Variants in SRP72 observed in about 807,000 individuals in gnomAD.
The protein encoded by SRP72 is signal recognition particle subunit SRP72.
Under a neutral mutation model 96.3 loss-of-function variants are expected in SRP72, and 49 were observed. The ratio of observed to expected loss-of-function variants is 0.51; its 90% confidence interval spans 0.40 to 0.65. The LOEUF (loss-of-function observed/expected upper bound fraction) is 0.65. Ranked by LOEUF, SRP72 falls within the 30% of genes least tolerant of loss-of-function variation. SRP72 has a pLI of 0.00. For missense variants in SRP72, 736 were observed against 793.3 expected, an observed-to-expected ratio of 0.93 and a Z score of 0.87; for synonymous variants, 267 against 275.2, an observed-to-expected ratio of 0.97 and a Z score of 0.30.
chr4:56,473,036 T>G (rs1355284377), intron 3 of SRP72, among the ~76,000 whole-genome samples: 1 of 152,206 alleles, frequency 6.6e-6, no homozygotes, highest in Non-Finnish European at 1.5e-5. Flanking sequence ...AGTCTTTTTC[T>G]TAACATTTAA....
chr4:56,481,907 C>T (rs1427793446), intron 8 of SRP72, among the ~76,000 whole-genome samples: 1 of 150,914 alleles, frequency 6.6e-6, no homozygotes. Flanking sequence ...CTGGGACTAG[C>T]GTGTGCCACC....
rs1721301650 is a variant in SRP72 at position 56,502,498 on chromosome 4, T to TATATATATATATATGTATATATATATAC, written c.*651_*652insGTATATATATATACATATATATATATAT. The TATATATATATATATGTATATATATATAC allele has an allele frequency of 8.2e-6, 1 of 122,018 alleles. No individual in the cohort carries two copies. The highest frequency in any genetic ancestry group is 1.7e-5 in the Non-Finnish European group (1 of 59,354). 7.6% of individuals were successfully genotyped at this position (122,018 alleles called of 1,614,324 possible). Reference sequence around the variant, plus strand: ...ATATATATATGTATATATATATACATATATATATATATATAAACATGAAAT... The same window carrying TATATATATATATATGTATATATATATAC: ...ATATATATATGTATATATATATACATATATATATATATATGTATATATATATACATATATATATATATAAACATGAAAT... On this transcript the variant is annotated 3_prime_UTR_variant, in exon 19 of 19. Coordinates refer to ENST00000642900, the MANE Select transcript of SRP72 (RefSeq NM_006947.4).
chr4:56,487,176 C>T (rs1391328977), intron 11 of SRP72, among the ~76,000 whole-genome samples: 1 of 151,950 alleles, frequency 6.6e-6, no homozygotes, highest in Non-Finnish European at 1.5e-5. Flanking sequence ...CAATTCTTCA[C>T]AAAAATCTTA....
At chr4:56,467,788 A>G in intron 1 of SRP72, 44 bp downstream of exon 1, 1 of 1,426,966 alleles carries the variant, frequency 7.0e-7, no homozygotes, top group South Asian at 1.5e-5. Context: ...GGCCGGCTGG[A>G]GGATGCGGCC....
chr4:56,471,619 T>C, intron 2 of SRP72, 101 bp from the exon 3 acceptor site: 1 of 1,360,592 alleles, frequency 7.3e-7, no homozygotes, highest in African/African-American at 1.5e-5. Flanking sequence ...TTTTCTCATC[T>C]GTTATCAGGA....
intron 17 of SRP72, among the ~76,000 whole-genome samples, chr4:56,497,132 ATCT>A (rs1461162068): frequency 6.6e-6 from 1 of 152,114 alleles, no homozygotes; most frequent in Non-Finnish European, 1.5e-5. Flanking sequence ...GTTTGTTTTA[ATCT>A]TCTACTTTAG....
intron 8 of SRP72, among the ~76,000 whole-genome samples, chr4:56,479,341 G>A (rs1389634557): frequency 6.6e-6 from 1 of 151,664 alleles, no homozygotes; most frequent in Non-Finnish European, 1.5e-5. Context: ...CACCATGCCT[G>A]TCTAATTTTT....
chr4:56,496,418 A>T (rs1256625280), intron 17 of SRP72, among the ~76,000 whole-genome samples: 1 of 152,168 alleles, frequency 6.6e-6, no homozygotes, highest in Non-Finnish European at 1.5e-5. Flanking sequence ...TATCCATTTC[A>T]CTATCTTTAA....
At position 56,495,342 on chromosome 4, in the gene SRP72, T is replaced by C. The variant is rs778389793; in HGVS notation, c.1641-15T>C. 2.0e-6 allele frequency: 3 copies of C among 1,474,236 alleles called. No individual in the cohort carries two copies. Among genetic ancestry groups the C allele is most frequent in the Non-Finnish European group, 2.8e-6 (3 of 1,069,658 alleles). The allele number at this position is 1,474,236 out of a possible 1,614,324, so 91.3% of individuals were successfully genotyped here. On this transcript the variant is annotated splice_polypyrimidine_tract_variant and intron_variant, in intron 16 of 18. Coordinates refer to ENST00000642900, the MANE Select transcript of SRP72 (RefSeq NM_006947.4). ...TTATCACAAAGATGGTAATGATTTT[T>C]TTTTCTCTTTGTAGACAGGGAGATT...
intron 1 of SRP72, 121 bp downstream of exon 1, chr4:56,467,865 G>A (rs879122944): frequency 1.0e-6 from 1 of 994,282 alleles, no homozygotes; most frequent in East Asian, 3.3e-5. Flanking sequence ...AAACCCCCCC[G>A]TCTATTGTCC....
chr4:56,474,380 A>C lies in SRP72; in HGVS notation c.599A>C (p.Gln200Pro). ...CTGAACCAGGCCATGAAAATCCTAC[A>C]AAAAGCTGAAGGTTGGAAGTTTGTT... ...GQLNQAMKIL[Q>P]KAEDLCRRSL... is the part of the protein sequence containing the mutation. The change falls in exon 5 of 19, where the codon CAA becomes CCA. Residue 200 changes from glutamine (Q) to proline (P), a missense_variant. Around this residue, in one of 3 missense-constraint regions of SRP72, gnomAD observed 329 missense variants for 319.0 expected, o/e 1.03. Coordinates refer to ENST00000642900, the MANE Select transcript of SRP72 (RefSeq NM_006947.4). 1 of 1,613,570 alleles carries C rather than the reference A, an allele frequency of 6.2e-7. No homozygotes were observed. The highest frequency in any genetic ancestry group is 8.5e-7 in the Non-Finnish European group (1 of 1,179,924).
At chr4:56,476,776 T>C in intron 6 of SRP72, 74 bp downstream of exon 6, 1 of 1,498,486 alleles carries the variant, frequency 6.7e-7, no homozygotes, top group Non-Finnish European at 9.2e-7. Flanking sequence ...TTCATTGTAC[T>C]ATTTATTGAC....
intron 17 of SRP72, among the ~76,000 whole-genome samples, chr4:56,498,256 G>A (rs537255711): frequency 9.2e-5 from 14 of 151,872 alleles, no homozygotes; most frequent in African/African-American, 2.4e-4. Flanking sequence ...AATAAACTAC[G>A]TATTGATGGA....
intron 10 of SRP72, among the ~76,000 whole-genome samples, chr4:56,485,183 T>C (rs1262475088): frequency 6.6e-6 from 1 of 152,174 alleles, no homozygotes; most frequent in East Asian, 1.9e-4. Flanking sequence ...TCTTTTGCAA[T>C]AATCTGATCT....
chr4:56,469,914 A>G (rs1029611785), intron 2 of SRP72, 141 bp downstream of exon 2: 26 of 741,892 alleles, frequency 3.5e-5, no homozygotes, highest in Middle Eastern at 3.5e-4. Flanking sequence ...TTGCTTGTCA[A>G]TAATGTTTCT....
intron 12 of SRP72, among the ~76,000 whole-genome samples, chr4:56,488,844 T>A (rs890709001): frequency 9.2e-5 from 14 of 152,198 alleles, no homozygotes; most frequent in Non-Finnish European, 1.5e-4. Context: ...TTATCAGTTT[T>A]ACTGATTGTT....
At chr4:56,500,503 C>T (rs1721225995) in intron 17 of SRP72, 33 bp from the exon 18 acceptor site, 3 of 1,598,008 alleles carry the variant, frequency 1.9e-6, no homozygotes, top group Non-Finnish European at 2.6e-6. Flanking sequence ...AATATTATGA[C>T]ACATCTCTCA....
chr4:56,482,506 C>T (rs1720542216), intron 8 of SRP72, among the ~76,000 whole-genome samples: 1 of 151,870 alleles, frequency 6.6e-6, no homozygotes, highest in Non-Finnish European at 1.5e-5. Context: ...ACTTAATAGA[C>T]AACAATATAG....
intron 3 of SRP72, among the ~76,000 whole-genome samples, chr4:56,472,815 T>G (rs1041733826): frequency 6.6e-6 from 1 of 152,186 alleles, no homozygotes; most frequent in Non-Finnish European, 1.5e-5. Flanking sequence ...TGGATAACTT[T>G]AGGGTAAATT....
Sources: gnomAD v4.1 joint callset for allele counts (sites outside exome capture counted in the v4.1 genomes callset) on GRCh38, gnomAD v4.1.1 for gene constraint, gnomAD v4.1.1 regional missense constraint, MANE v1.5 for transcripts, NCBI Gene and HGNC (gene_info 2026-07-23, HGNC 2026-07-21) for gene names.